RPH3A: variants seen among roughly 807,000 people sequenced by gnomAD.
The protein encoded by RPH3A is rabphilin-3A.
A neutral mutation model predicts 102.2 loss-of-function variants in RPH3A; 48 were observed. The ratio of observed to expected loss-of-function variants is 0.47; its 90% confidence interval spans 0.37 to 0.60. The LOEUF is 0.60. Ranked by LOEUF, RPH3A falls within the 20% of genes least tolerant of loss-of-function variation. RPH3A has a pLI of 0.00. For missense variants in RPH3A, 781 were observed against 910.1 expected, an observed-to-expected ratio of 0.86 and a Z score of 1.83; for synonymous variants, 310 against 324.3, an observed-to-expected ratio of 0.96 and a Z score of 0.47.
chr12:112,607,677 C>G (rs1194216424), intron 1 of RPH3A, among the ~76,000 whole-genome samples: 2 of 152,296 alleles, frequency 1.3e-5, no homozygotes, highest in Admixed American at 1.3e-4. Flanking sequence ...CTTGTTCTGT[C>G]CTCACTACAG....
chr12:112,614,717 A>AAT (rs1335670242), intron 1 of RPH3A, among the ~76,000 whole-genome samples: 7 of 146,172 alleles, frequency 4.8e-5, no homozygotes, highest in African/African-American at 1.5e-4. Context: ...AAAAAAAAAA[A>AAT]GGAAGAAAAA....
At chr12:112,711,595 T>A (rs1592956691) in intron 1 of RPH3A, among the ~76,000 whole-genome samples, 1 of 152,286 alleles carries the variant, frequency 6.6e-6, no homozygotes, top group Non-Finnish European at 1.5e-5. Flanking sequence ...AGTGGTGTGT[T>A]TTATATTTCT....
intron 1 of RPH3A, among the ~76,000 whole-genome samples, chr12:112,595,203 A>T (rs1210353169): frequency 6.6e-6 from 1 of 152,206 alleles, no homozygotes; most frequent in East Asian, 1.9e-4. Context: ...GAGTTAATTC[A>T]TGAAAAAGCT....
At chr12:112,631,241 A>T (rs2039802038) in intron 1 of RPH3A, among the ~76,000 whole-genome samples, 1 of 152,088 alleles carries the variant, frequency 6.6e-6, no homozygotes, top group Non-Finnish European at 1.5e-5. Context: ...ACACAAAAGC[A>T]CTATTGAGCA....
At chr12:112,694,642 GCGCACACGCACACACACA>G (rs1358773629) in intron 1 of RPH3A, among the ~76,000 whole-genome samples, 1 of 140,326 alleles carries the variant, frequency 7.1e-6, no homozygotes, top group African/African-American at 2.8e-5. Flanking sequence ...ACGCGCGCGC[GCGCACACGCACACACACA>G]CACACACACA....
chr12:112,658,499 A>G (rs1034756889), intron 1 of RPH3A, among the ~76,000 whole-genome samples: 1 of 152,170 alleles, frequency 6.6e-6, no homozygotes, highest in Admixed American at 6.5e-5. Flanking sequence ...TTTTAGCAGG[A>G]CCATTCTGTC....
chr12:112,621,006 TA>T lies in RPH3A; in HGVS notation c.-140+45688del, dbSNP rs1238379447. Among the ~76,000 whole-genome samples the T allele has an allele frequency of 2.1e-3, 321 of 151,402 alleles. 4 individuals carry two copies. The highest frequency in any genetic ancestry group is 6.7e-3 in the African/African-American group (274 of 40,966). ...CACATATCTTCCTATTTTTTAACAT[TA>T]TTATTTTTTTTTTTTTGTAGAGATA... On this transcript the variant is annotated intron_variant, in intron 1 of 21. Coordinates refer to the RPH3A transcript ENST00000543106.
At chr12:112,887,371 C>T (rs763341487) in intron 16 of RPH3A, among the ~76,000 whole-genome samples, 1 of 152,094 alleles carries the variant, frequency 6.6e-6, no homozygotes, top group Non-Finnish European at 1.5e-5. Flanking sequence ...CAAGAGAAGC[C>T]AACATAAAAG....
chr12:112,640,331 A>G (rs1329333688), intron 1 of RPH3A, among the ~76,000 whole-genome samples: 2 of 96,964 alleles, frequency 2.1e-5, no homozygotes, highest in Non-Finnish European at 1.9e-5. Flanking sequence ...ATCTCAAAAA[A>G]AAAAAAAAAA....
intron 1 of RPH3A, among the ~76,000 whole-genome samples, chr12:112,724,851 C>T (rs924458157): frequency 6.6e-6 from 1 of 152,008 alleles, no homozygotes; most frequent in Non-Finnish European, 1.5e-5. Flanking sequence ...CGCCTGTAGT[C>T]CCAGCTACTA....
chr12:112,589,444 A>G (rs2039460727), intron 1 of RPH3A, among the ~76,000 whole-genome samples: 1 of 152,122 alleles, frequency 6.6e-6, no homozygotes, highest in Non-Finnish European at 1.5e-5. Context: ...TTCCTTGAAC[A>G]TCTCTAAGAA....
intron 4 of RPH3A, among the ~76,000 whole-genome samples, chr12:112,846,916 C>T (rs943247217): frequency 6.6e-6 from 1 of 152,190 alleles, no homozygotes; most frequent in Admixed American, 6.5e-5. Flanking sequence ...CTGAATCCTG[C>T]CCCTGCCACT....
intron 1 of RPH3A, among the ~76,000 whole-genome samples, chr12:112,633,532 G>A (rs960145092): frequency 2.2e-4 from 33 of 152,232 alleles, no homozygotes; most frequent in African/African-American, 1.7e-4. Flanking sequence ...CAGCCCCCTC[G>A]TTGTGTGATG....
At chr12:112,701,654 G>A (rs2040395007) in intron 1 of RPH3A, among the ~76,000 whole-genome samples, 1 of 152,216 alleles carries the variant, frequency 6.6e-6, no homozygotes. Flanking sequence ...ATGGTAAGAT[G>A]TTATGGTTTA....
chr12:112,856,497 TGTG>T, intron 5 of RPH3A, among the ~76,000 whole-genome samples: 1 of 151,954 alleles, frequency 6.6e-6, no homozygotes, highest in Non-Finnish European at 1.5e-5. Context: ...TGTGTGTGTG[TGTG>T]TGTGTGTGTG....
chr12:112,872,263 A>G (rs2042722135), intron 10 of RPH3A, among the ~76,000 whole-genome samples: 1 of 152,120 alleles, frequency 6.6e-6, no homozygotes, highest in Non-Finnish European at 1.5e-5. Flanking sequence ...GTGAAGTGGC[A>G]TCTCCTTGTG....
chr12:112,793,607 T>C (rs561443160), intron 2 of RPH3A, among the ~76,000 whole-genome samples: 1 of 152,344 alleles, frequency 6.6e-6, no homozygotes, highest in South Asian at 2.1e-4. Context: ...CTAACTTCTC[T>C]TCCTAGCTTC....
intron 1 of RPH3A, among the ~76,000 whole-genome samples, chr12:112,707,276 C>G (rs2040432814): frequency 6.6e-6 from 1 of 152,214 alleles, no homozygotes; most frequent in African/African-American, 2.4e-5. Context: ...CTCCAAACTG[C>G]TTTATCTTCC....
intron 1 of RPH3A, among the ~76,000 whole-genome samples, chr12:112,754,433 T>C (rs1021031427): frequency 1.3e-5 from 2 of 152,130 alleles, no homozygotes; most frequent in Admixed American, 1.3e-4. Context: ...ATTGAAGACA[T>C]AAGAACACAA....
Sources: allele counts gnomAD v4.1 joint callset (sites outside exome capture counted in the v4.1 genomes callset), GRCh38; gene constraint gnomAD v4.1.1; transcripts MANE v1.5; gene names NCBI Gene and HGNC (gene_info 2026-07-23, HGNC 2026-07-21).